Variants in ZNF878 observed in about 807,000 individuals in gnomAD.
ZNF878 encodes the protein zinc finger protein 878.
ZNF878 carries 10 observed loss-of-function variants against 11.1 expected under a neutral mutation model. The observed-to-expected ratio is 0.90, with a 90% confidence interval of 0.56 to 1.53. The LOEUF (loss-of-function observed/expected upper bound fraction) is 1.53, where lower values mean the gene tolerates loss of function less well. Ranked by LOEUF, ZNF878 falls within the 40% of genes most tolerant of loss-of-function variation. The pLI, the probability that ZNF878 is intolerant of heterozygous loss-of-function variation, is 0.00. For missense variants in ZNF878, 548 were observed against 626.1 expected, an observed-to-expected ratio of 0.88 and a Z score of 1.33; for synonymous variants, 165 against 209.7, an observed-to-expected ratio of 0.79 and a Z score of 1.84.
chr19:12,051,461 T>C (rs1338562670), intron 1 of ZNF878, among the ~76,000 whole-genome samples: 3 of 152,160 alleles, frequency 2.0e-5, no homozygotes, highest in African/African-American at 7.2e-5. Flanking sequence ...AACTTTTTTT[T>C]TTTGAGACAG....
chr19:12,046,887 G>T (rs1975497489), intron 1 of ZNF878, 127 bp from the exon 2 acceptor site: 1 of 1,379,702 alleles, frequency 7.2e-7, no homozygotes, highest in Non-Finnish European at 9.8e-7. Context: ...CCATGACTTG[G>T]TCATCAGATC....
rs1568350114 is a variant in ZNF878, at chr19:12,044,551, C to T, written c.850G>A (p.Glu284Lys). The T allele has an allele frequency of 6.2e-7, 1 of 1,613,986 alleles. No individual in the cohort carries two copies. The highest frequency in any genetic ancestry group is 1.7e-5 in the Admixed American group (1 of 60,000). ...AAGGCTTTCCTACATTGTGTACACT[C>T]ATAGGGTTTCTCTCCACTGTGAGTC... is the stretch of plus-strand genomic sequence containing the variant. ...ERTHSGEKPYECTQCRKAFRS... is the reference protein window; with the variant it reads ...ERTHSGEKPYKCTQCRKAFRS... The change falls in exon 4 of 4, where the codon GAG (glutamate) becomes AAG (lysine). Residue 284 changes from glutamate to lysine, a missense_variant. Coordinates refer to ENST00000547628, the MANE Select transcript of ZNF878 (RefSeq NM_001080404.3).
At chr19:12,051,680 G>A (rs1218131910) in intron 1 of ZNF878, among the ~76,000 whole-genome samples, 2 of 152,188 alleles carry the variant, frequency 1.3e-5, no homozygotes, top group African/African-American at 4.8e-5. Context: ...GCCGAAGTGG[G>A]CGGATCACAA....
rs1417419823 is a variant in ZNF878 at position 12,044,141 on chromosome 19, C to G, written c.1260G>C (p.Glu420Asp). The part of the protein sequence containing the change: ...LQKHIRTHTG[E>D]KPYGCKQCGK... ...CACATTGCTTACATCCATAGGGTTT[C>G]TCTCCTGTGTGAGTTCGTATGTGCT... The change falls in exon 4 of 4, where the codon GAG becomes GAC. Residue 420 changes from glutamate to aspartate, a missense_variant. Coordinates refer to ENST00000547628, the MANE Select transcript of ZNF878 (RefSeq NM_001080404.3). 1.2e-6 allele frequency: 2 copies of G among 1,613,934 alleles called. No individual in the cohort carries two copies. The highest frequency in any genetic ancestry group is 8.5e-7 in the Non-Finnish European group (1 of 1,179,986).
intron 3 of ZNF878, among the ~76,000 whole-genome samples, chr19:12,045,624 G>A (rs749739562): frequency 6.7e-6 from 1 of 149,580 alleles, no homozygotes; most frequent in Non-Finnish European, 1.5e-5. Flanking sequence ...TCCAGCCTGG[G>A]TGACAGAGCG....
At chr19:12,051,103 AAAAAAAAAAAAAAAAG>A (rs534729926) in intron 1 of ZNF878, among the ~76,000 whole-genome samples, 22,066 of 145,956 alleles carry the variant, frequency 0.15, 4,207 homozygotes, top group African/African-American at 0.46. Flanking sequence ...CTCAAAAAAA[AAAAAAAAAAAAAAAAG>A]AAAAGAAAAG....
rs887774238 is a variant in ZNF878, at chr19:12,052,893, C to T, written c.-92G>A. The T allele has an allele frequency of 3.9e-5, 59 of 1,508,270 alleles. No individual in the cohort carries two copies. The highest frequency in any genetic ancestry group is 1.2e-5 in the South Asian group (1 of 82,966). The allele number at this position is 1,508,270 out of a possible 1,614,324, so 93.4% of individuals were successfully genotyped here. ...GTCGACAGAGCAACAGCAGCTACGG[C>T]GGAAGTAACTGGTCCCTCTCGGAGC... On this transcript the variant is annotated 5_prime_UTR_variant, in exon 1 of 4. Coordinates refer to ENST00000547628, the MANE Select transcript of ZNF878 (RefSeq NM_001080404.3).
intron 1 of ZNF878, 123 bp downstream of exon 1, chr19:12,052,676 A>G: frequency 1.6e-6 from 2 of 1,269,130 alleles, no homozygotes; most frequent in Non-Finnish European, 1.1e-6. Context: ...GAGCTGCGCT[A>G]GGGGGACTGT....
intron 3 of ZNF878, 190 bp downstream of exon 3, chr19:12,046,178 C>T (rs1252076901): frequency 2.0e-6 from 1 of 511,860 alleles, no homozygotes; most frequent in Non-Finnish European, 3.4e-6. Flanking sequence ...AGCGATCTTC[C>T]ATCCTGACCT....
rs1381188228 is a variant in ZNF878 at position 12,050,080 on chromosome 19, C to T, written c.3+2719G>A. Among the ~76,000 whole-genome samples, 6 of 151,960 alleles carry T rather than the reference C, an allele frequency of 3.9e-5. No homozygotes were observed. In the East Asian group the frequency reaches 1.2e-3, roughly 29 times the overall value. On this transcript the variant is annotated intron_variant, in intron 1 of 3. Transcript: ENST00000547628. ...TCTCTACTAAAAATACAAAAATTAG[C>T]CAGGTATGGTGGCATGCACCTGTAG...
chr19:12,050,343 G>A (rs1975538177), intron 1 of ZNF878, among the ~76,000 whole-genome samples: 1 of 152,148 alleles, frequency 6.6e-6, no homozygotes, highest in African/African-American at 2.4e-5. Context: ...TTTCTAATCT[G>A]TGGCCTGAGG....
At chr19:12,050,425 ATC>A (rs1327689323) in intron 1 of ZNF878, among the ~76,000 whole-genome samples, 1 of 152,158 alleles carries the variant, frequency 6.6e-6, no homozygotes, top group Non-Finnish European at 1.5e-5. Context: ...AGGTCAATTA[ATC>A]TCTGATTACA....
At chr19:12,051,261 G>A (rs1408315951) in intron 1 of ZNF878, among the ~76,000 whole-genome samples, 1 of 151,904 alleles carries the variant, frequency 6.6e-6, no homozygotes, top group Non-Finnish European at 1.5e-5. Context: ...TTGCGCCATT[G>A]CACTCCAGTC....
At chr19:12,046,530 A>C in intron 2 of ZNF878, 102 bp from the exon 3 acceptor site, 1 of 1,571,256 alleles carries the variant, frequency 6.4e-7, no homozygotes, top group South Asian at 1.1e-5. Context: ...TGTCTCATTT[A>C]TTCAAAGTAT....
intron 1 of ZNF878, among the ~76,000 whole-genome samples, chr19:12,052,112 T>C (rs774925362): frequency 6.6e-6 from 1 of 152,170 alleles, no homozygotes; most frequent in Non-Finnish European, 1.5e-5. Context: ...GTCCCGCCTT[T>C]CGGCCAAAGG....
chr19:12,052,878 C>A lies in ZNF878; in HGVS notation c.-77G>T, dbSNP rs1456996088. 3.3e-6 allele frequency: 5 copies of A among 1,524,796 alleles called. No individual in the cohort carries two copies. In the South Asian group the frequency reaches 4.8e-5, roughly 15 times the overall value. The allele number at this position is 1,524,796 out of a possible 1,614,324, so 94.5% of individuals were successfully genotyped here. A position where few individuals can be genotyped will look rare whatever the true frequency, so the allele number is the denominator to read the frequency against. On this transcript the variant is annotated 5_prime_UTR_variant, in exon 1 of 4. Transcript: ENST00000547628. ...GCAGGTCACAGCGCAGTCGACAGAG[C>A]AACAGCAGCTACGGCGGAAGTAACT...
At chr19:12,046,812 G>A in intron 1 of ZNF878, 52 bp from the exon 2 acceptor site, 1 of 1,609,190 alleles carries the variant, frequency 6.2e-7, no homozygotes, top group South Asian at 1.1e-5. Context: ...ACAGCACTGG[G>A]TTTCTATACC....
At chr19:12,045,782 A>C (rs1230391490) in intron 3 of ZNF878, among the ~76,000 whole-genome samples, 1 of 152,020 alleles carries the variant, frequency 6.6e-6, no homozygotes, top group East Asian at 1.9e-4. Context: ...GCTGGAGTGC[A>C]GTGGCACCAT....
At position 12,045,144 on chromosome 19, in the gene ZNF878, T is replaced by A; in HGVS notation, c.257A>T (p.Gln86Leu). Reference sequence around the variant, plus strand: ...CTTCTTCAGTGTGTCATCTGGAACCTGTGTCAAAACTTCTCCATGCTGATG... The same window carrying A: ...CTTCTTCAGTGTGTCATCTGGAACCAGTGTCAAAACTTCTCCATGCTGATG... The part of the protein sequence containing the change: ...ESHQHGEVLT[Q>L]VPDDTLKKKT... Residue 86 changes from glutamine (Q) to leucine (L), a missense_variant, in exon 4 of 4, where the codon CAG (glutamine) becomes CTG (leucine). Around this residue, in one of 3 missense-constraint regions of ZNF878, gnomAD observed 160 missense variants for 173.3 expected, o/e 0.92. Transcript: ENST00000547628. The A allele has an allele frequency of 1.9e-6, 3 of 1,612,842 alleles. No individual in the cohort carries two copies. The highest frequency in any genetic ancestry group is 2.5e-6 in the Non-Finnish European group (3 of 1,179,382).
Sources: allele counts gnomAD v4.1 joint callset (sites outside exome capture counted in the v4.1 genomes callset), GRCh38; gene constraint gnomAD v4.1.1; regional missense constraint gnomAD v4.1.1; transcripts MANE v1.5; gene names NCBI Gene and HGNC (gene_info 2026-07-23, HGNC 2026-07-21).